Variants in GRIK5 observed in about 807,000 individuals in gnomAD.
GRIK5 encodes glutamate ionotropic receptor kainate type subunit 5, also known as glutamate receptor ionotropic, kainate 5.
Under a neutral mutation model 97.4 loss-of-function variants are expected in GRIK5, and 43 were observed. The observed-to-expected ratio is 0.44, with a 90% CI of 0.35 to 0.57. The LOEUF is 0.57. Among genes scored for constraint, GRIK5 ranks in the 20% least tolerant of loss-of-function variants. GRIK5 has a pLI of 0.01. For missense variants in GRIK5, 1,015 were observed against 1,382.0 expected, an observed-to-expected ratio of 0.73 and a Z score of 4.21; for synonymous variants, 580 against 583.5, an observed-to-expected ratio of 0.99 and a Z score of 0.09.
At position 42,059,541 on chromosome 19, in the gene GRIK5, G is replaced by A. The variant is rs200262656; in HGVS notation, c.509-14C>T. 2.5e-6 allele frequency: 4 copies of A among 1,605,720 alleles called. No individual in the cohort carries two copies. The highest frequency in any genetic ancestry group is 3.4e-6 in the Non-Finnish European group (4 of 1,176,516). ...ATCGCAGCAGGCCTGAGGGAGGGGT[G>A]GGGCCTTGGGTTGGAGCCCTTCTGG... On this transcript the variant is annotated splice_polypyrimidine_tract_variant and intron_variant, in intron 5 of 19. Coordinates refer to ENST00000593562, the MANE Select transcript of GRIK5 (RefSeq NM_002088.5).
chr19:42,053,379 A>C (rs1472639056), intron 11 of GRIK5, among the ~76,000 whole-genome samples: 2 of 152,222 alleles, frequency 1.3e-5, no homozygotes, highest in Admixed American at 6.5e-5. Context: ...CTGTGCAAAG[A>C]GCTGGGTTAA....
intron 5 of GRIK5, among the ~76,000 whole-genome samples, chr19:42,061,784 C>T (rs902514957): frequency 3.3e-5 from 5 of 152,174 alleles, no homozygotes; most frequent in African/African-American, 7.2e-5. Context: ...CACTTGTCTC[C>T]TTGCCACCCC....
intron 12 of GRIK5, among the ~76,000 whole-genome samples, chr19:42,033,645 T>C (rs2075866992): frequency 6.6e-6 from 1 of 152,120 alleles, no homozygotes. Context: ...GCCACTGAAT[T>C]GCACTCCTTA....
intron 15 of GRIK5, among the ~76,000 whole-genome samples, chr19:42,017,363 C>T (rs1279554477): frequency 2.6e-5 from 4 of 152,148 alleles, no homozygotes; most frequent in Non-Finnish European, 5.9e-5. Flanking sequence ...GAAGTCACTT[C>T]CCTGCTTTTT....
intron 19 of GRIK5, among the ~76,000 whole-genome samples, chr19:42,000,185 G>C (rs1463218214): frequency 6.6e-6 from 1 of 152,248 alleles, no homozygotes; most frequent in Non-Finnish European, 1.5e-5. Context: ...ATCAGAATGA[G>C]AGTCAGACGG....
intron 15 of GRIK5, among the ~76,000 whole-genome samples, chr19:42,019,092 A>G (rs2146043682): frequency 6.6e-6 from 1 of 152,310 alleles, no homozygotes; most frequent in African/African-American, 2.4e-5. Flanking sequence ...GGCAGAAAAC[A>G]GCTGGCTAGA....
rs2075489412 is a variant in GRIK5 at position 42,006,252 on chromosome 19, T to C, written c.2038-304A>G. On this transcript the variant is annotated intron_variant, in intron 16 of 19. Coordinates refer to ENST00000593562, the MANE Select transcript of GRIK5 (RefSeq NM_002088.5). The surrounding 1 kb of genome is among the most constrained non-coding windows in gnomAD (Gnocchi z 5.3). ...CCAACTCAGGCCTCCTTTAGACCAC[T>C]AGGACCTCCCTGCCAAGCTTGCTTT... 6.6e-6 allele frequency among the ~76,000 whole-genome samples: 1 copy of C among 152,068 alleles called. No homozygotes were observed. The highest frequency in any genetic ancestry group is 2.4e-5 in the African/African-American group (1 of 41,402).
intron 3 of GRIK5, chr19:42,063,361 G>A (rs2076286488): frequency 4.4e-6 from 2 of 456,602 alleles, no homozygotes; most frequent in African/African-American, 2.0e-5. Flanking sequence ...AGACTGGGAG[G>A]TGGAAAGCTG....
At chr19:42,029,078 T>A (rs1039572940) in intron 12 of GRIK5, among the ~76,000 whole-genome samples, 2 of 151,634 alleles carry the variant, frequency 1.3e-5, no homozygotes, top group Admixed American at 6.6e-5. Flanking sequence ...AAAAAAAAAT[T>A]TTTTTTTTGA....
rs866347991 is a variant in GRIK5, at chr19:42,047,042, T to C, written c.1270-4287A>G. Among the ~76,000 whole-genome samples the C allele has an allele frequency of 2.0e-5, 3 of 151,852 alleles. No individual in the cohort carries two copies. In the South Asian group the frequency reaches 6.3e-4, roughly 32 times the overall value. On this transcript the variant is annotated intron_variant, in intron 11 of 19. Coordinates refer to ENST00000593562, the MANE Select transcript of GRIK5 (RefSeq NM_002088.5). The stretch of plus-strand genomic sequence containing the variant: ...AGCTGGGACCACAGGTGCGAGCCAC[T>C]AAGCCTGGCTAATTTTTGTATTTTT...
At chr19:42,052,709 G>A (rs2076132718) in intron 11 of GRIK5, among the ~76,000 whole-genome samples, 1 of 152,088 alleles carries the variant, frequency 6.6e-6, no homozygotes, top group Non-Finnish European at 1.5e-5. Flanking sequence ...TGGCTGCCTG[G>A]CATGTCCAGC....
At chr19:42,058,374 G>T (rs972731926) in intron 6 of GRIK5, among the ~76,000 whole-genome samples, 1 of 150,864 alleles carries the variant, frequency 6.6e-6, no homozygotes, top group African/African-American at 2.4e-5. Flanking sequence ...GTAGAAATGG[G>T]GTTTCACCGT....
intron 3 of GRIK5, chr19:42,063,520 T>C (rs1188859823): frequency 1.1e-5 from 4 of 364,916 alleles, no homozygotes; most frequent in East Asian, 7.3e-5. Context: ...CTTCTAGCCA[T>C]GGCAACTGGT....
In GRIK5 at chr19:42,021,900, C is replaced by T; in HGVS notation, c.1697+47G>A. 7.5e-7 allele frequency: 1 copy of T among 1,336,792 alleles called. No homozygotes were observed. Among genetic ancestry groups the T allele is most frequent in the East Asian group, 2.4e-5 (1 of 41,324 alleles). The allele number at this position is 1,336,792 out of a possible 1,614,324, so 82.8% of individuals were successfully genotyped here. On this transcript the variant is annotated intron_variant, in intron 14 of 19. Coordinates refer to ENST00000593562, the MANE Select transcript of GRIK5 (RefSeq NM_002088.5). The surrounding 1 kb of genome is among the most constrained non-coding windows in gnomAD (Gnocchi z 4.2). ...GGCAGGTCGGTCCCAGAGGCCTCGG[C>T]TCGTGCCTCCTCCAGCCCCTTCCTT...
intron 12 of GRIK5, among the ~76,000 whole-genome samples, chr19:42,032,974 A>G (rs910303973): frequency 1.3e-5 from 2 of 152,216 alleles, no homozygotes; most frequent in African/African-American, 4.8e-5. Flanking sequence ...TAAATGATTT[A>G]AAAATTAGAT....
intron 5 of GRIK5, among the ~76,000 whole-genome samples, chr19:42,061,811 C>T (rs1427150186): frequency 6.6e-6 from 1 of 152,140 alleles, no homozygotes; most frequent in African/African-American, 2.4e-5. Flanking sequence ...CACTCTCCAG[C>T]CTGTTCTCTA....
Position 42,065,159 on chromosome 19 carries a change from G to A in GRIK5, c.244+64C>T, listed in dbSNP as rs951028591. 32 of 1,433,168 alleles carry A rather than the reference G, an allele frequency of 2.2e-5. No homozygotes were observed. The highest frequency in any genetic ancestry group is 3.0e-5 in the Non-Finnish European group (31 of 1,041,998). The allele number at this position is 1,433,168 out of a possible 1,614,324, so 88.8% of individuals were successfully genotyped here. ...AAGGCCAGGCCAGAGGCCAGGGGCA[G>A]AGGGATGGACTGAGGGCCACCGACC... On this transcript the variant is annotated intron_variant, in intron 3 of 19. Coordinates refer to ENST00000593562, the MANE Select transcript of GRIK5 (RefSeq NM_002088.5). This position sits in a 1 kb window ranked among gnomAD's most constrained non-coding sequence, Gnocchi z 5.8.
At chr19:42,023,385 T>G (rs1222689221) in intron 12 of GRIK5, among the ~76,000 whole-genome samples, 1 of 152,182 alleles carries the variant, frequency 6.6e-6, no homozygotes, top group African/African-American at 2.4e-5. Flanking sequence ...CCATCCCCTT[T>G]GTTGTACACT....
intron 5 of GRIK5, among the ~76,000 whole-genome samples, chr19:42,061,433 C>T (rs1422863640): frequency 6.6e-6 from 1 of 152,170 alleles, no homozygotes; most frequent in African/African-American, 2.4e-5. Flanking sequence ...CCCACCTTGG[C>T]CTCCCAAAGT....
Sources: gnomAD v4.1 joint callset for allele counts (sites outside exome capture counted in the v4.1 genomes callset) on GRCh38, gnomAD v4.1.1 for gene constraint, Gnocchi (gnomAD v3.1) non-coding constraint, MANE v1.5 for transcripts, NCBI Gene and HGNC (gene_info 2026-07-23, HGNC 2026-07-21) for gene names.